MACROD2: variants seen among roughly 807,000 people sequenced by gnomAD.
MACROD2 encodes the protein mono-ADP ribosylhydrolase 2.
In MACROD2, 36 loss-of-function variants were observed where a neutral mutation model predicts 70.4. The observed-to-expected ratio is 0.51, with a 90% CI of 0.39 to 0.68. The LOEUF (loss-of-function observed/expected upper bound fraction) is 0.68. Ranked by LOEUF, MACROD2 falls within the 30% of genes least tolerant of loss-of-function variation. The pLI is 0.00. For missense variants in MACROD2, 496 were observed against 538.4 expected (o/e 0.92, Z 0.78); for synonymous variants, 172 against 178.8 (o/e 0.96, Z 0.30).
intron 5 of MACROD2, among the ~76,000 whole-genome samples, chr20:15,095,566 G>A (rs950368819): frequency 1.3e-5 from 2 of 151,930 alleles, no homozygotes; most frequent in Admixed American, 6.5e-5. Flanking sequence ...AGCCCAGGCT[G>A]GAGTGCAGTG....
intron 6 of MACROD2, among the ~76,000 whole-genome samples, chr20:15,373,271 T>C (rs1213347546): frequency 6.6e-6 from 1 of 152,228 alleles, no homozygotes; most frequent in African/African-American, 2.4e-5. Flanking sequence ...AAATTTTCAG[T>C]GACTGTAGTT....
intron 4 of MACROD2, among the ~76,000 whole-genome samples, chr20:14,528,711 C>T (rs1375239669): frequency 6.6e-6 from 1 of 151,962 alleles, no homozygotes; most frequent in East Asian, 1.9e-4. Flanking sequence ...GGATTATTTT[C>T]AGGATCACTG....
chr20:15,174,546 A>C (rs1023743195), intron 5 of MACROD2, among the ~76,000 whole-genome samples: 2 of 152,052 alleles, frequency 1.3e-5, no homozygotes, highest in Admixed American at 1.3e-4. Flanking sequence ...GTCAAATGGT[A>C]TTTCTAGTTC....
At chr20:15,870,271 CT>C (rs1822399574) in intron 9 of MACROD2, among the ~76,000 whole-genome samples, 1 of 150,338 alleles carries the variant, frequency 6.7e-6, no homozygotes, top group Admixed American at 6.6e-5. Context: ...ATTATTTGAC[CT>C]TTTTATCTTG....
At chr20:15,359,260 A>G (rs544003989) in intron 6 of MACROD2, among the ~76,000 whole-genome samples, 3 of 152,230 alleles carry the variant, frequency 2.0e-5, no homozygotes, top group African/African-American at 4.8e-5. Flanking sequence ...TCCACTGTAC[A>G]TGCATTGATG....
chr20:15,034,614 A>ATT (rs150614078), intron 5 of MACROD2, among the ~76,000 whole-genome samples: 3 of 152,064 alleles, frequency 2.0e-5, no homozygotes, highest in African/African-American at 7.3e-5. Flanking sequence ...ATTGTGAAGC[A>ATT]TTTTTTTGGT....
intron 8 of MACROD2, among the ~76,000 whole-genome samples, chr20:15,577,542 T>A (rs1211178661): frequency 6.6e-6 from 1 of 152,190 alleles, no homozygotes; most frequent in Non-Finnish European, 1.5e-5. Context: ...TATTTGGGTA[T>A]AAATCGTTGG....
intron 4 of MACROD2, among the ~76,000 whole-genome samples, chr20:14,538,603 C>T (rs1339682987): frequency 6.6e-6 from 1 of 152,142 alleles, no homozygotes; most frequent in East Asian, 1.9e-4. Flanking sequence ...ATGACTCTCT[C>T]AGCTCTAACC....
intron 5 of MACROD2, among the ~76,000 whole-genome samples, chr20:15,129,909 T>C (rs2076093050): frequency 6.6e-6 from 1 of 152,096 alleles, no homozygotes; most frequent in African/African-American, 2.4e-5. Flanking sequence ...TAGAGATTAA[T>C]TTCTGGCGTG....
At chr20:14,469,136 C>A (rs963937158) in intron 3 of MACROD2, among the ~76,000 whole-genome samples, 4 of 151,516 alleles carry the variant, frequency 2.6e-5, no homozygotes, top group Admixed American at 2.6e-4. Flanking sequence ...GTGACAAAAT[C>A]TCTCAGCATT....
intron 3 of MACROD2, among the ~76,000 whole-genome samples, chr20:14,220,747 AG>A (rs1413782704): frequency 6.6e-6 from 1 of 152,126 alleles, no homozygotes; most frequent in Admixed American, 6.5e-5. Context: ...AGATTGACTC[AG>A]CTCCAGGTAA....
intron 4 of MACROD2, among the ~76,000 whole-genome samples, chr20:14,538,782 C>G (rs1178223160): frequency 6.6e-6 from 1 of 152,204 alleles, no homozygotes; most frequent in Non-Finnish European, 1.5e-5. Context: ...GACCGCCCCC[C>G]TCTCTTACTC....
At chr20:14,442,651 C>A (rs1568613753) in intron 3 of MACROD2, among the ~76,000 whole-genome samples, 1 of 152,068 alleles carries the variant, frequency 6.6e-6, no homozygotes, top group Non-Finnish European at 1.5e-5. Context: ...TTTCACTCCC[C>A]AATTCCTAAT....
chr20:14,988,913 T>C (rs1483068747), intron 5 of MACROD2, among the ~76,000 whole-genome samples: 1 of 152,152 alleles, frequency 6.6e-6, no homozygotes. Context: ...ATTTAAATTA[T>C]TTATTCTAAA....
chr20:14,257,170 C>T (rs999891372), intron 3 of MACROD2, among the ~76,000 whole-genome samples: 2 of 152,168 alleles, frequency 1.3e-5, no homozygotes, highest in East Asian at 3.9e-4. Context: ...GCAAGAGAGA[C>T]TTGTTAATGT....
intron 8 of MACROD2, among the ~76,000 whole-genome samples, chr20:15,701,782 C>T (rs879505908): frequency 6.6e-6 from 1 of 152,048 alleles, no homozygotes; most frequent in East Asian, 1.9e-4. Context: ...TAAATAGTAC[C>T]CAATAGGTAG....
intron 5 of MACROD2, among the ~76,000 whole-genome samples, chr20:14,698,113 G>C (rs955910885): frequency 6.6e-6 from 1 of 152,168 alleles, no homozygotes; most frequent in Admixed American, 6.5e-5. Context: ...AATGAATCAA[G>C]TGACCTGCCC....
intron 5 of MACROD2, among the ~76,000 whole-genome samples, chr20:14,998,976 T>C (rs2074972255): frequency 6.6e-6 from 1 of 152,224 alleles, no homozygotes; most frequent in Non-Finnish European, 1.5e-5. Context: ...GAGAGTGGCA[T>C]GGCATATTTA....
At chr20:14,052,393 A>G (rs1248547613) in intron 2 of MACROD2, among the ~76,000 whole-genome samples, 1 of 152,150 alleles carries the variant, frequency 6.6e-6, no homozygotes, top group East Asian at 1.9e-4. Flanking sequence ...TAGATCTGTG[A>G]ATTGTACTAA....
Sources: allele counts gnomAD v4.1 joint callset (sites outside exome capture counted in the v4.1 genomes callset), GRCh38; gene constraint gnomAD v4.1.1; transcripts MANE v1.5; gene names NCBI Gene and HGNC (gene_info 2026-07-23, HGNC 2026-07-21).